PRSS57: variants seen among roughly 807,000 people sequenced by gnomAD.
PRSS57 encodes serine protease 57.
In PRSS57, 19 loss-of-function variants were observed where a neutral mutation model predicts 20.6. That is an observed-to-expected ratio of 0.92 (90% confidence interval 0.64 to 1.35). The LOEUF is 1.35. PRSS57 is among the 40% of genes most tolerant of loss of function. The probability of loss-of-function intolerance (pLI) is 0.00; values close to 1 mark genes in which losing one functional copy is unlikely to be tolerated. For missense variants in PRSS57, 440 were observed against 403.7 expected (o/e 1.09, Z -0.77); for synonymous variants, 203 against 176.6 (o/e 1.15, Z -1.19).
chr19:691,186 A>G, intron 3 of PRSS57: 1 of 178,286 alleles, frequency 5.6e-6, no homozygotes, highest in Non-Finnish European at 1.2e-5. Context: ...GGTTTTATAC[A>G]CGAAAAATAA....
intron 3 of PRSS57, among the ~76,000 whole-genome samples, 179 bp from the exon 4 acceptor site, chr19:687,367 C>G (rs553285440): frequency 3.6e-4 from 55 of 152,312 alleles, no homozygotes; most frequent in Middle Eastern, 3.4e-3. Context: ...CCTCAGGCCT[C>G]CAGGGTCACC....
At chr19:690,612 TC>T in intron 3 of PRSS57, 1 of 253,376 alleles carries the variant, frequency 3.9e-6, no homozygotes, top group East Asian at 1.0e-4. Context: ...AGGGCCTCTC[TC>T]CAGGACGAGG....
Position 693,230 on chromosome 19 carries a change from C to CT in PRSS57, c.234-1229dup, listed in dbSNP as rs71174316. ...ACAGGCGTGAGCCACCGCACCCGGC[C>CT]TTTTTTTTTTTTTTTTTTTTGAGAC... On this transcript the variant is annotated intron_variant, in intron 2 of 4. Coordinates refer to ENST00000329267, the MANE Select transcript of PRSS57 (RefSeq NM_001308209.2). Among the ~76,000 whole-genome samples the CT allele has an allele frequency of 4.0e-3, 524 of 131,642 alleles. 20 individuals are homozygous for CT. The highest frequency in any genetic ancestry group is 0.019 in the South Asian group (81 of 4,350). 86.4% of individuals were successfully genotyped at this position (131,642 alleles called of 152,430 possible).
In PRSS57 at chr19:694,685, A is replaced by G. The variant is rs984032336; in HGVS notation, c.233+129T>C. 7 of 1,081,820 alleles carry G rather than the reference A, an allele frequency of 6.5e-6. No individual in the cohort carries two copies. The East Asian group carries it at 2.0e-4, about 31-fold the overall frequency. The allele number at this position is 1,081,820 out of a possible 1,614,324, so 67.0% of individuals were successfully genotyped here. ...TCCTGTTTTCCCTTTGTTGCCCTTTAAATCCAGCCCCTGCTGAGACTCCCC... is the reference window on the plus strand; with the variant it reads ...TCCTGTTTTCCCTTTGTTGCCCTTTGAATCCAGCCCCTGCTGAGACTCCCC... On this transcript the variant is annotated intron_variant, in intron 2 of 4. Transcript: ENST00000329267.
rs1219012117 is a variant in PRSS57 at position 685,864 on chromosome 19, GAGA to G, written c.698_700del (p.Phe233del). On this transcript the variant is annotated inframe_deletion, in exon 5 of 5. Transcript: ENST00000329267. ...CTTGGGGTCGCCGCACCAGAGGCCCGAGAAGGAAACGAGGCCGTGAGCCCGGTT... is the reference window on the plus strand; with the variant it reads ...CTTGGGGTCGCCGCACCAGAGGCCCGAGGAAACGAGGCCGTGAGCCCGGTT... 7 of 1,557,926 alleles carry G rather than the reference GAGA, an allele frequency of 4.5e-6. No individual in the cohort carries two copies. The highest frequency in any genetic ancestry group is 6.1e-6 in the Non-Finnish European group (7 of 1,151,376).
intron 2 of PRSS57, among the ~76,000 whole-genome samples, chr19:693,834 G>T (rs527457492): frequency 1.1e-4 from 16 of 152,112 alleles, no homozygotes; most frequent in Non-Finnish European, 2.1e-4. Context: ...CCGCCTCCCG[G>T]GTTCACGCCA....
intron 1 of PRSS57, 124 bp downstream of exon 1, chr19:695,228 G>A: frequency 2.0e-6 from 1 of 492,138 alleles, no homozygotes; most frequent in Non-Finnish European, 3.3e-6. Flanking sequence ...GCAGCCACGG[G>A]GGCTCGGCAG....
At chr19:688,328 G>C (rs974467940) in intron 3 of PRSS57, among the ~76,000 whole-genome samples, 48 of 150,658 alleles carry the variant, frequency 3.2e-4, no homozygotes, top group African/African-American at 1.2e-3. Flanking sequence ...TTGGCTACTG[G>C]CACTTGCTCC....
Position 691,849 on chromosome 19 carries a change from G to A in PRSS57, c.378+9C>T, listed in dbSNP as rs919401501. 10 of 1,327,748 alleles carry A rather than the reference G, an allele frequency of 7.5e-6. 1 individual carries two copies. In the South Asian group the frequency reaches 1.1e-4, roughly 14 times the overall value. The allele number at this position is 1,327,748 out of a possible 1,614,324, so 82.2% of individuals were successfully genotyped here. ...CTAAACATACGTCAGATCCACCCCCGGGGCTCACCCGCAGCAGGCAGATGT... is the reference window on the plus strand; with the variant it reads ...CTAAACATACGTCAGATCCACCCCCAGGGCTCACCCGCAGCAGGCAGATGT... On this transcript the variant is annotated intron_variant, in intron 3 of 4. Transcript: ENST00000329267.
Position 685,814 on chromosome 19 carries a change from A to G in PRSS57, c.751T>C (p.Ser251Pro). 2 of 1,565,716 alleles carry G rather than the reference A, an allele frequency of 1.3e-6. No individual in the cohort carries two copies. Among genetic ancestry groups the G allele is most frequent in the Non-Finnish European group, 1.7e-6 (2 of 1,155,030 alleles). Residue 251 changes from serine (S) to proline (P), a missense_variant, in exon 5 of 5, where the codon TCC (serine) becomes CCC (proline). Transcript: ENST00000329267. ...PKTPDVYTQV[S>P]AFVAWIWDVV... is the part of the protein sequence containing the mutation. ...TCCCAGATCCAGGCCACAAAGGCGG[A>G]CACCTGCGTGTACACGTCGGGGGTC...
At chr19:687,407 G>T (rs72978206) in intron 3 of PRSS57, among the ~76,000 whole-genome samples, 3,551 of 152,200 alleles carry the variant, frequency 0.023, 63 homozygotes, top group South Asian at 0.049. Flanking sequence ...TTTCTGTTCT[G>T]TTCTTTTCTT....
In PRSS57 at chr19:685,746, C is replaced by T. The variant is rs1481755681; in HGVS notation, c.819G>A (p.Gly273=). Residue 273 remains glycine, a synonymous_variant, in exon 5 of 5, where the codon GGG becomes GGA. Coordinates refer to ENST00000329267, the MANE Select transcript of PRSS57 (RefSeq NM_001308209.2). The stretch of plus-strand genomic sequence containing the variant: ...CGGCTTCTCCTGGGGGCCTGGTGGT[C>T]CCAGGCAGGGGGCCGGGCTGGGGAC... The part of the protein sequence containing the change: ...RSSPQPGPLP[G]TTRPPGEAA 1.9e-6 allele frequency: 3 copies of T among 1,557,558 alleles called. No individual in the cohort carries two copies. The highest frequency in any genetic ancestry group is 3.7e-5 in the Admixed American group (2 of 54,162).
intron 3 of PRSS57, among the ~76,000 whole-genome samples, chr19:689,222 G>GGGGCTGGAA (rs112475525): frequency 0.044 from 3,371 of 76,260 alleles, 320 homozygotes; most frequent in African/African-American, 0.067. Context: ...AGGTGACGAC[G>GGGGCTGGAA]GGGTGGTCCA....
At chr19:692,909 A>G (rs139725564) in intron 2 of PRSS57, among the ~76,000 whole-genome samples, 140 of 151,510 alleles carry the variant, frequency 9.2e-4, no homozygotes, top group African/African-American at 3.3e-3. Context: ...AGTAATTTCA[A>G]TATTCTCCTT....
At chr19:694,697 T>TG in intron 2 of PRSS57, 117 bp downstream of exon 2, 4 of 1,211,740 alleles carry the variant, frequency 3.3e-6, no homozygotes, top group Non-Finnish European at 4.5e-6. Flanking sequence ...ATCCAGCCCC[T>TG]GCTGAGACTC....
At chr19:690,662 G>A (rs1313521609) in intron 3 of PRSS57, 4 of 276,898 alleles carry the variant, frequency 1.4e-5, no homozygotes, top group South Asian at 3.9e-5. Context: ...GATCCGCACC[G>A]GCCAGCGCAC....
At position 694,871 on chromosome 19, in the gene PRSS57, C is replaced by A; in HGVS notation, c.176G>T (p.Gly59Val). ...CCAGCGGGCTCGCAGCAGGAAGCCT[C>A]CGCAGTGATGTTGGCCCCCGAAGCG... ...SVRFGGQHHC[G>V]GFLLRARWVV... The change falls in exon 2 of 5, where the codon GGA (glycine) becomes GTA (valine). Residue 59 changes from glycine to valine, a missense_variant. Transcript: ENST00000329267. The A allele has an allele frequency of 6.2e-7, 1 of 1,606,434 alleles. No individual in the cohort carries two copies. Among genetic ancestry groups the A allele is most frequent in the Non-Finnish European group, 8.5e-7 (1 of 1,177,206 alleles).
chr19:694,881 G>T lies in PRSS57; in HGVS notation c.166C>A (p.His56Asn), dbSNP rs1184934490. 11 of 1,605,592 alleles carry T rather than the reference G, an allele frequency of 6.9e-6. No individual in the cohort carries two copies. The highest frequency in any genetic ancestry group is 9.3e-6 in the Non-Finnish European group (11 of 1,176,776). ...YMASVRFGGQ[H>N]HCGGFLLRAR... ...CGCAGCAGGAAGCCTCCGCAGTGAT[G>T]TTGGCCCCCGAAGCGCACGGATGCC... The change falls in exon 2 of 5, where the codon CAT becomes AAT. Residue 56 changes from histidine (H) to asparagine (N), a missense_variant. Coordinates refer to ENST00000329267, the MANE Select transcript of PRSS57 (RefSeq NM_001308209.2).
intron 3 of PRSS57, among the ~76,000 whole-genome samples, chr19:688,621 T>C (rs1326404307): frequency 7.1e-5 from 8 of 112,348 alleles, no homozygotes; most frequent in African/African-American, 2.6e-4. Flanking sequence ...TTTTTTCAGA[T>C]GGAGTCTCAC....
Sources: gnomAD v4.1 joint callset for allele counts (sites outside exome capture counted in the v4.1 genomes callset) on GRCh38, gnomAD v4.1.1 for gene constraint, MANE v1.5 for transcripts, NCBI Gene and HGNC (gene_info 2026-07-23, HGNC 2026-07-21) for gene names.